The following PRMT7 variants were observed in gnomAD, a reference collection of about 807,000 sequenced individuals.
PRMT7 encodes protein arginine N-methyltransferase 7.
A neutral mutation model predicts 85.4 loss-of-function variants in PRMT7; 75 were observed. The ratio of observed to expected loss-of-function variants is 0.88; its 90% CI spans 0.73 to 1.06. The LOEUF (loss-of-function observed/expected upper bound fraction) is 1.06. Among genes scored for constraint, PRMT7 ranks in the 50% least tolerant of loss-of-function variants. The pLI, the probability that PRMT7 is intolerant of heterozygous loss-of-function variation, is 0.00. For synonymous variants in PRMT7, 397 were observed against 359.5 expected (o/e 1.10, Z -1.18); for missense variants, 868 against 915.2 (o/e 0.95, Z 0.67).
Position 68,339,336 on chromosome 16 carries a change from C to T in PRMT7, c.519C>T (p.Ala173=), listed in dbSNP as rs146250427. Residue 173 remains alanine, a synonymous_variant, in exon 8 of 19, where the codon GCC becomes GCT. Coordinates refer to ENST00000441236, the MANE Select transcript of PRMT7 (RefSeq NM_019023.5). ...HRHLVEENCE[A]VPHRATVYAQ... Reference sequence around the variant, plus strand: ...TATAAACTTAGGAAAATTGTGAGGCCGTGCCCCACAGAGCCACCGTCTATG... The same window carrying T: ...TATAAACTTAGGAAAATTGTGAGGCTGTGCCCCACAGAGCCACCGTCTATG... 37 of 1,613,876 alleles carry T rather than the reference C, an allele frequency of 2.3e-5. No homozygotes were observed. In the African/African-American group the frequency reaches 3.7e-4, roughly 16 times the overall value.
intron 2 of PRMT7, among the ~76,000 whole-genome samples, chr16:68,312,429 G>A (rs1309067435): frequency 6.6e-6 from 1 of 151,724 alleles, no homozygotes; most frequent in Non-Finnish European, 1.5e-5. Context: ...TAGAGAACGG[G>A]GTCTCACTAT....
At chr16:68,338,566 C>A (rs962794201) in intron 7 of PRMT7, among the ~76,000 whole-genome samples, 1 of 151,928 alleles carries the variant, frequency 6.6e-6, no homozygotes, top group East Asian at 1.9e-4. Context: ...TGAGGTGGGG[C>A]GGAGGAAGCA....
At chr16:68,328,980 T>G (rs2083477127) in intron 5 of PRMT7, 86 bp from the exon 6 acceptor site, 1 of 885,802 alleles carries the variant, frequency 1.1e-6, no homozygotes, top group Admixed American at 2.0e-5. Context: ...AGGACCAGAA[T>G]CAAGGAATAG....
chr16:68,321,309 A>T, intron 3 of PRMT7, 117 bp from the exon 4 acceptor site: 1 of 780,550 alleles, frequency 1.3e-6, no homozygotes, highest in Middle Eastern at 3.3e-4. Context: ...CAACCAAAAA[A>T]TAGTTTAAAA....
intron 2 of PRMT7, among the ~76,000 whole-genome samples, chr16:68,313,782 A>G (rs1033623502): frequency 3.9e-5 from 6 of 152,242 alleles, no homozygotes; most frequent in Non-Finnish European, 8.8e-5. Flanking sequence ...CCAGCAAGTA[A>G]AAGTGCAGCT....
At chr16:68,359,278 C>G (rs1597567749), downstream of PRMT7, 1 of 152,666 alleles carries the variant, frequency 6.6e-6, no homozygotes, top group Non-Finnish European at 1.5e-5. Context: ...TGGGGGCCTC[C>G]ACATCATGAA....
At chr16:68,359,185 C>G (rs373655211), downstream of PRMT7, 1 of 152,364 alleles carries the variant, frequency 6.6e-6, no homozygotes, top group Non-Finnish European at 1.5e-5. Flanking sequence ...TGCAGGCAGT[C>G]GGCAGGCGGC....
At chr16:68,343,814 A>G (rs2085907134) in intron 9 of PRMT7, among the ~76,000 whole-genome samples, 1 of 152,272 alleles carries the variant, frequency 6.6e-6, no homozygotes, top group East Asian at 1.9e-4. Context: ...GCGTGTGGGA[A>G]TGTCATTCTC....
At chr16:68,312,522 C>T (rs1347027644) in intron 2 of PRMT7, among the ~76,000 whole-genome samples, 10 of 152,166 alleles carry the variant, frequency 6.6e-5, no homozygotes, top group Non-Finnish European at 1.2e-4. Flanking sequence ...AGGTGTGAGC[C>T]ACCACCGCCT....
In PRMT7 at chr16:68,348,341, G is replaced by C; in HGVS notation, c.1324-1G>C. On this transcript the variant is annotated splice_acceptor_variant, in intron 13 of 18. Coordinates refer to ENST00000441236, the MANE Select transcript of PRMT7 (RefSeq NM_019023.5). LOFTEE classifies it high-confidence loss of function. ...AGTAATTTTACGGTTTTCTTTCTAA[G>C]ATCTTCAAGGCTAACCACTTGGAAG... 8 of 1,591,884 alleles carry C rather than the reference G, an allele frequency of 5.0e-6. No homozygotes were observed. Among genetic ancestry groups the C allele is most frequent in the Non-Finnish European group, 6.9e-6 (8 of 1,161,344 alleles).
At position 68,333,084 on chromosome 16, in the gene PRMT7, C is replaced by G. The variant is rs189516144; in HGVS notation, c.391+3910C>G. On this transcript the variant is annotated intron_variant, in intron 6 of 18. Transcript: ENST00000441236. ...ACACAGCTCACTGCAGCCTCGACTT[C>G]TGGGCTCAAGTGATCCTCCTGCCTC... 2.1e-3 allele frequency among the ~76,000 whole-genome samples: 314 copies of G among 152,242 alleles called. 5 individuals are homozygous for G. Among genetic ancestry groups the G allele is most frequent in the Middle Eastern group, 6.8e-3 (2 of 294 alleles).
chr16:68,315,821 G>T, intron 2 of PRMT7, 76 bp from the exon 3 acceptor site: 1 of 637,450 alleles, frequency 1.6e-6, no homozygotes, highest in Non-Finnish European at 2.8e-6. Flanking sequence ...TCCACATTTT[G>T]GGGCATTGTG....
rs752201536 is a variant in PRMT7 at position 68,347,286 on chromosome 16, G to C, written c.1267G>C (p.Val423Leu). 3.9e-6 allele frequency: 6 copies of C among 1,545,920 alleles called. No individual in the cohort carries two copies. In the South Asian group the frequency reaches 6.0e-5, roughly 15 times the overall value. Residue 423 changes from valine to leucine, a missense_variant, in exon 12 of 19, where the codon GTG becomes CTG. Transcript: ENST00000441236. ...CTCCGTGCTGGCCCATCACCTGGGG[G>C]TGGAGCAGGTACTGACATGCACCCT... ...LLSVLAHHLG[V>L]EQVFTVESSA...
At chr16:68,353,704 C>T (rs2087785425) in intron 16 of PRMT7, 138 bp downstream of exon 16, 1 of 715,796 alleles carries the variant, frequency 1.4e-6, no homozygotes, top group African/African-American at 1.9e-5. Context: ...TGTGGTTCAA[C>T]ATGAGCATTG....
intron 9 of PRMT7, among the ~76,000 whole-genome samples, chr16:68,340,230 C>A (rs1383147568): frequency 6.6e-6 from 1 of 152,152 alleles, no homozygotes; most frequent in African/African-American, 2.4e-5. Flanking sequence ...ATGATGCAGC[C>A]ACCCTTAGAT....
Position 68,356,652 on chromosome 16 carries a change from C to T in PRMT7, c.1812-49C>T, listed in dbSNP as rs368063212. 121 of 1,435,046 alleles carry T rather than the reference C, an allele frequency of 8.4e-5. No individual in the cohort carries two copies. The Admixed American group carries it at 1.4e-3, about 16-fold the overall frequency. 88.9% of individuals were successfully genotyped at this position (1,435,046 alleles called of 1,614,324 possible). A position where few individuals can be genotyped will look rare whatever the true frequency, so the allele number is the denominator to read the frequency against. ...GCCGCAGGAGCTGCAGCTGTTCCCC[C>T]GCTGCCTCTTGTGTGACTACTTCTG... On this transcript the variant is annotated intron_variant, in intron 17 of 18. Coordinates refer to ENST00000441236, the MANE Select transcript of PRMT7 (RefSeq NM_019023.5).
At chr16:68,318,538 CTTG>C (rs1205974360) in intron 3 of PRMT7, among the ~76,000 whole-genome samples, 1 of 151,740 alleles carries the variant, frequency 6.6e-6, no homozygotes, top group Non-Finnish European at 1.5e-5. Flanking sequence ...ACATTATTTT[CTTG>C]TTTTATTGTT....
At chr16:68,349,735 AC>A (rs2151873153) in intron 14 of PRMT7, among the ~76,000 whole-genome samples, 1 of 152,082 alleles carries the variant, frequency 6.6e-6, no homozygotes, top group South Asian at 2.1e-4. Context: ...CTCTATAAAA[AC>A]AAAAAAAATT....
At chr16:68,313,079 T>G (rs528621781) in intron 2 of PRMT7, among the ~76,000 whole-genome samples, 1 of 152,106 alleles carries the variant, frequency 6.6e-6, no homozygotes, top group African/African-American at 2.4e-5. Flanking sequence ...CCTGCTTTGG[T>G]CTCCCAAAGT....
Sources: gnomAD v4.1 joint callset for allele counts (sites outside exome capture counted in the v4.1 genomes callset) on GRCh38, gnomAD v4.1.1 for gene constraint, MANE v1.5 for transcripts, NCBI Gene and HGNC (gene_info 2026-07-23, HGNC 2026-07-21) for gene names.